ABL2: variants seen among roughly 807,000 people sequenced by gnomAD.
ABL2 encodes the protein tyrosine-protein kinase ABL2.
ABL2 carries 49 observed loss-of-function variants against 107.7 expected under a neutral mutation model. The observed-to-expected ratio is 0.45, with a 90% confidence interval of 0.36 to 0.58. The LOEUF (loss-of-function observed/expected upper bound fraction) is 0.58, where lower values mean the gene tolerates loss of function less well. Ranked by LOEUF, ABL2 falls within the 20% of genes least tolerant of loss-of-function variation. The probability of loss-of-function intolerance (pLI) is 0.00; values close to 1 mark genes in which losing one functional copy is unlikely to be tolerated. For synonymous variants in ABL2, 549 were observed against 548.6 expected, an observed-to-expected ratio of 1.00 and a Z score of -0.01; for missense variants, 1,245 against 1,457.0, an observed-to-expected ratio of 0.85 and a Z score of 2.37.
chr1:179,115,087 A>G (rs1654497485), intron 8 of ABL2, 57 bp from the exon 9 acceptor site: 2 of 1,497,826 alleles, frequency 1.3e-6, no homozygotes, highest in East Asian at 2.3e-5. Context: ...TTTATTTTAC[A>G]TAATTAGGTG....
In ABL2 at chr1:179,112,293, T is replaced by A. The variant is rs770857560; in HGVS notation, c.1651+16A>T. 1.2e-6 allele frequency: 2 copies of A among 1,606,366 alleles called. No individual in the cohort carries two copies. Among genetic ancestry groups the A allele is most frequent in the South Asian group, 2.2e-5 (2 of 90,744 alleles). The stretch of plus-strand genomic sequence containing the variant: ...CCCAGAATTAGTCACCAACAGTAAA[T>A]CCAACAGATTCTCACCTTCAGAAAT... On this transcript the variant is annotated intron_variant, in intron 10 of 11. Coordinates refer to ENST00000502732, the MANE Select transcript of ABL2 (RefSeq NM_007314.4).
intron 1 of ABL2, among the ~76,000 whole-genome samples, chr1:179,202,316 C>T (rs1484831809): frequency 6.6e-6 from 1 of 152,128 alleles, no homozygotes; most frequent in Admixed American, 6.6e-5. Flanking sequence ...TTAAAAATCA[C>T]CACCTAAAAA....
Position 179,107,619 on chromosome 1 carries a change from T to C in ABL2, c.*99A>G, listed in dbSNP as rs1653556822. 1 of 1,513,072 alleles carries C rather than the reference T, an allele frequency of 6.6e-7. No homozygotes were observed. Among genetic ancestry groups the C allele is most frequent in the African/African-American group, 1.4e-5 (1 of 71,774 alleles). 93.7% of individuals were successfully genotyped at this position (1,513,072 alleles called of 1,614,324 possible). A position where few individuals can be genotyped will look rare whatever the true frequency, so the allele number is the denominator to read the frequency against. The stretch of plus-strand genomic sequence containing the variant: ...GGTACTTCACATAAACACACTCAAG[T>C]ATGAGTCTTTCATTTTCTGAAAACA... On this transcript the variant is annotated 3_prime_UTR_variant, in exon 12 of 12. Coordinates refer to ENST00000502732, the MANE Select transcript of ABL2 (RefSeq NM_007314.4).
chr1:179,130,726 T>TTTTTTGTG (rs1553220073), intron 3 of ABL2, among the ~76,000 whole-genome samples: 33 of 142,812 alleles, frequency 2.3e-4, no homozygotes, highest in African/African-American at 8.3e-4. Context: ...ATTATTGATT[T>TTTTTTGTG]TGTGTGTGTG....
At chr1:179,119,703 T>C (rs980732570) in intron 6 of ABL2, among the ~76,000 whole-genome samples, 2 of 152,172 alleles carry the variant, frequency 1.3e-5, no homozygotes, top group African/African-American at 4.8e-5. Context: ...GGTCACAGTT[T>C]TTAATTTGCT....
In ABL2 at chr1:179,107,291, G is replaced by A. The variant is rs1653532283; in HGVS notation, c.*427C>T. 1 of 236,906 alleles carries A rather than the reference G, an allele frequency of 4.2e-6. No homozygotes were observed. Among genetic ancestry groups the A allele is most frequent in the East Asian group, 6.1e-5 (1 of 16,490 alleles). The allele number at this position is 236,906 out of a possible 1,614,324, so 14.7% of individuals were successfully genotyped here. Reference sequence around the variant, plus strand: ...TACATTCCCAGCTTTCTTTTCTGCTGTCCCACCAAATTCATTAGGTAAATT... The same window carrying A: ...TACATTCCCAGCTTTCTTTTCTGCTATCCCACCAAATTCATTAGGTAAATT... On this transcript the variant is annotated 3_prime_UTR_variant, in exon 12 of 12. Transcript: ENST00000502732.
At chr1:179,156,571 C>G (rs1396612130) in intron 1 of ABL2, among the ~76,000 whole-genome samples, 1 of 152,088 alleles carries the variant, frequency 6.6e-6, no homozygotes, top group Admixed American at 6.6e-5. Context: ...CATTACATAC[C>G]TTAGTTAATA....
At chr1:179,135,344 G>A (rs1054575600) in intron 1 of ABL2, among the ~76,000 whole-genome samples, 6 of 151,356 alleles carry the variant, frequency 4.0e-5, no homozygotes, top group African/African-American at 7.3e-5. Context: ...CTGCCCGGCC[G>A]CCCATTGTCT....
chr1:179,126,784 T>G lies in ABL2; in HGVS notation c.392-112A>C. The G allele has an allele frequency of 8.6e-7, 1 of 1,156,468 alleles. No homozygotes were observed. Among genetic ancestry groups the G allele is most frequent in the South Asian group, 1.9e-5 (1 of 51,308 alleles). 71.6% of individuals were successfully genotyped at this position (1,156,468 alleles called of 1,614,324 possible). ...TTAAAAAAAAAAAAGAATCTAGAAC[T>G]TTTATGCCAAATTTTTTTTTTAAAT... On this transcript the variant is annotated intron_variant, in intron 3 of 11. Transcript: ENST00000502732. The surrounding 1 kb of genome is among the most constrained non-coding windows in gnomAD (Gnocchi z 4.4).
chr1:179,188,209 C>CGTTA (rs988551068), intron 1 of ABL2, among the ~76,000 whole-genome samples: 11 of 152,116 alleles, frequency 7.2e-5, no homozygotes, highest in African/African-American at 2.7e-4. Context: ...TCTGCTCAAA[C>CGTTA]GTTACCCCAT....
At chr1:179,226,321 T>G (rs1199439634) in intron 1 of ABL2, among the ~76,000 whole-genome samples, 1 of 146,758 alleles carries the variant, frequency 6.8e-6, no homozygotes, top group Non-Finnish European at 1.5e-5. Context: ...TTTTTTTTTT[T>G]TTTTTTTTTT....
chr1:179,174,659 T>C (rs1315874118), intron 1 of ABL2, among the ~76,000 whole-genome samples: 1 of 151,470 alleles, frequency 6.6e-6, no homozygotes, highest in African/African-American at 2.4e-5. Flanking sequence ...TCAAATTTTC[T>C]ACTGGGGCTG....
chr1:179,181,496 C>T (rs1660369816), intron 1 of ABL2, among the ~76,000 whole-genome samples: 1 of 152,138 alleles, frequency 6.6e-6, no homozygotes, highest in African/African-American at 2.4e-5. Flanking sequence ...ACTGCCCAAC[C>T]TCGCTGAGCT....
At chr1:179,199,824 C>T (rs1289515098) in intron 1 of ABL2, among the ~76,000 whole-genome samples, 1 of 150,718 alleles carries the variant, frequency 6.6e-6, no homozygotes, top group Admixed American at 6.6e-5. Context: ...CCTTGAACTC[C>T]TGCGCTCAAG....
intron 1 of ABL2, among the ~76,000 whole-genome samples, chr1:179,167,204 T>C (rs2102765554): frequency 6.6e-6 from 1 of 152,282 alleles, no homozygotes; most frequent in East Asian, 1.9e-4. Context: ...ATACCACATA[T>C]ACACAAGGGA....
Position 179,138,744 on chromosome 1 carries a change from G to C in ABL2, c.158-5370C>G, listed in dbSNP as rs1657278696. 9.8e-5 allele frequency among the ~76,000 whole-genome samples: 15 copies of C among 152,334 alleles called. 1 individual carries two copies. The South Asian group carries it at 3.1e-3, about 32-fold the overall frequency. ...CTGGGCTCCCACTTTGGTGGCACTT[G>C]AGGAGCCCTTCAGCGCACCGCTGCA... On this transcript the variant is annotated intron_variant, in intron 1 of 11. Coordinates refer to ENST00000502732, the MANE Select transcript of ABL2 (RefSeq NM_007314.4).
chr1:179,174,895 CAAA>C (rs1161355678), intron 1 of ABL2, among the ~76,000 whole-genome samples: 2 of 33,694 alleles, frequency 5.9e-5, no homozygotes, highest in African/African-American at 1.9e-4. Context: ...GACTCTGTCT[CAAA>C]AAAAAAAAAA....
chr1:179,229,488 C>G lies in ABL2; in HGVS notation c.-91G>C. ...CGGGCTCCTGGCGCTGCTCCGGTCT[C>G]TCCCTCCCAGCCCAGGCCCTGGCCC... On this transcript the variant is annotated 5_prime_UTR_variant, in exon 1 of 12. Transcript: ENST00000502732. 1 of 1,339,638 alleles carries G rather than the reference C, an allele frequency of 7.5e-7. No individual in the cohort carries two copies. The highest frequency in any genetic ancestry group is 1.6e-5 in the African/African-American group (1 of 64,246). 83.0% of individuals were successfully genotyped at this position (1,339,638 alleles called of 1,614,324 possible). A position where few individuals can be genotyped will look rare whatever the true frequency, so the allele number is the denominator to read the frequency against.
chr1:179,178,879 T>C (rs1476924937), intron 1 of ABL2, among the ~76,000 whole-genome samples: 1 of 152,090 alleles, frequency 6.6e-6, no homozygotes, highest in Non-Finnish European at 1.5e-5. Context: ...CACTCCAGCC[T>C]GGGCAACAGA....
Sources: allele counts gnomAD v4.1 joint callset (sites outside exome capture counted in the v4.1 genomes callset), GRCh38; gene constraint gnomAD v4.1.1; non-coding constraint Gnocchi (gnomAD v3.1); transcripts MANE v1.5; gene names NCBI Gene and HGNC (gene_info 2026-07-23, HGNC 2026-07-21).